The following RNF216 variants were observed in gnomAD, a reference collection of about 807,000 sequenced individuals.
RNF216 encodes E3 ubiquitin-protein ligase RNF216.
RNF216 carries 72 observed loss-of-function variants against 110.8 expected under a neutral mutation model. The observed-to-expected ratio is 0.65, with a 90% CI of 0.54 to 0.79. RNF216 has a LOEUF of 0.79. RNF216 is among the 30% of genes least tolerant of loss of function. The pLI, the probability that RNF216 is intolerant of heterozygous loss-of-function variation, is 0.00. For missense variants in RNF216, 1,342 were observed against 1,141.2 expected (o/e 1.18, Z -2.54); for synonymous variants, 495 against 407.5 (o/e 1.21, Z -2.59).
chr7:5,621,570 G>A lies in RNF216; in HGVS notation c.*1290C>T, dbSNP rs956724128. On this transcript the variant is annotated 3_prime_UTR_variant, in exon 17 of 17. Coordinates refer to ENST00000389902, the MANE Select transcript of RNF216 (RefSeq NM_207111.4). Reference sequence around the variant, plus strand: ...TGGGCCAGGCCCTGCTTCAGGAGGTGGCGGGCCACTCCGGAGACTGATGCA... The same window carrying A: ...TGGGCCAGGCCCTGCTTCAGGAGGTAGCGGGCCACTCCGGAGACTGATGCA... The A allele has an allele frequency of 1.3e-5, 2 of 152,310 alleles. No individual in the cohort carries two copies. Among genetic ancestry groups the A allele is most frequent in the African/African-American group, 4.8e-5 (2 of 41,462 alleles). The allele number at this position is 152,310 out of a possible 1,614,324, so 9.4% of individuals were successfully genotyped here.
Position 5,622,555 on chromosome 7 carries a change from C to G in RNF216, c.*305G>C. ...AGGCCCAGGTGTGAGCAGCAGGGAC[C>G]TGGTCTATGGCCTATGCCATGGACA... On this transcript the variant is annotated 3_prime_UTR_variant, in exon 17 of 17. Coordinates refer to ENST00000389902, the MANE Select transcript of RNF216 (RefSeq NM_207111.4). 2.9e-6 allele frequency: 1 copy of G among 341,020 alleles called. No individual in the cohort carries two copies. The highest frequency in any genetic ancestry group is 5.0e-5 in the East Asian group (1 of 19,944). The allele number at this position is 341,020 out of a possible 1,614,324, so 21.1% of individuals were successfully genotyped here.
At chr7:5,766,635 G>A (rs1367599488) in intron 1 of RNF216, among the ~76,000 whole-genome samples, 1 of 152,180 alleles carries the variant, frequency 6.6e-6, no homozygotes, top group African/African-American at 2.4e-5. Context: ...CCAAATTCCA[G>A]AACTGTGAGA....
intron 15 of RNF216, among the ~76,000 whole-genome samples, chr7:5,629,526 C>T (rs1280281502): frequency 2.0e-5 from 3 of 151,890 alleles, no homozygotes; most frequent in African/African-American, 7.3e-5. Context: ...TTATGCTTCA[C>T]CACAATTAAA....
chr7:5,729,512 C>T lies in RNF216; in HGVS notation c.1309G>A (p.Ala437Thr). Reference sequence around the variant, plus strand: ...TGACTACTGAGCACTTTGAAGTCGGCCATGAGGAGGTCAGCAGCTTGGATG... The same window carrying T: ...TGACTACTGAGCACTTTGAAGTCGGTCATGAGGAGGTCAGCAGCTTGGATG... ...CFIQAADLLM[A>T]DFKVLSSQDI... Residue 437 changes from alanine (A) to threonine (T), a missense_variant, in exon 7 of 17, where the codon GCC becomes ACC. Physicochemically the swap from Ala to Thr is moderately conservative, Grantham distance 58. Coordinates refer to ENST00000389902, the MANE Select transcript of RNF216 (RefSeq NM_207111.4). The T allele has an allele frequency of 6.2e-7, 1 of 1,614,058 alleles. No individual in the cohort carries two copies.
intron 1 of RNF216, chr7:5,774,868 C>T (rs1182405380): frequency 2.0e-5 from 3 of 152,004 alleles, no homozygotes; most frequent in Non-Finnish European, 2.9e-5. Flanking sequence ...AGTGATTCTC[C>T]TGTCTCAGCC....
At chr7:5,738,279 T>C (rs935820774) in intron 5 of RNF216, among the ~76,000 whole-genome samples, 4 of 152,018 alleles carry the variant, frequency 2.6e-5, no homozygotes, top group Non-Finnish European at 5.9e-5. Flanking sequence ...CAGGCTGGAG[T>C]GCAGTAGCGT....
rs757318093 is a variant in RNF216, at chr7:5,625,718, C to T, written c.2383-1593G>A. 4.6e-5 allele frequency among the ~76,000 whole-genome samples: 7 copies of T among 152,240 alleles called. 1 individual carries two copies. Reference sequence around the variant, plus strand: ...CACTGTTCTAAGTTTGCTGATTAAACTTCAGATCAACAATGAAACAGAAAG... The same window carrying T: ...CACTGTTCTAAGTTTGCTGATTAAATTTCAGATCAACAATGAAACAGAAAG... On this transcript the variant is annotated intron_variant, in intron 15 of 16. Coordinates refer to ENST00000389902, the MANE Select transcript of RNF216 (RefSeq NM_207111.4).
At chr7:5,631,864 T>A (rs1417860954) in intron 15 of RNF216, among the ~76,000 whole-genome samples, 1 of 152,224 alleles carries the variant, frequency 6.6e-6, no homozygotes, top group Non-Finnish European at 1.5e-5. Context: ...GATTCCATTG[T>A]AGAAGGTCAC....
In RNF216 at chr7:5,680,186, AC is replaced by A. The variant is rs1790558794; in HGVS notation, c.2062-27677del. On this transcript the variant is annotated intron_variant, in intron 13 of 16. Coordinates refer to ENST00000389902, the MANE Select transcript of RNF216 (RefSeq NM_207111.4). The surrounding 1 kb of genome is among the most constrained non-coding windows in gnomAD (Gnocchi z 4.3). ...TCCTCAGAGCTCGCCCTGGAAACACACGCTCCCCTCTACTTTAACACTCTGT... is the reference window on the plus strand; with the variant it reads ...TCCTCAGAGCTCGCCCTGGAAACACAGCTCCCCTCTACTTTAACACTCTGT... 6.6e-6 allele frequency among the ~76,000 whole-genome samples: 1 copy of A among 152,042 alleles called. No homozygotes were observed.
chr7:5,721,413 C>A (rs1349639124), intron 8 of RNF216, among the ~76,000 whole-genome samples: 1 of 152,220 alleles, frequency 6.6e-6, no homozygotes, highest in African/African-American at 2.4e-5. Flanking sequence ...AAGGCATCTC[C>A]TATCCTGTCA....
intron 3 of RNF216, among the ~76,000 whole-genome samples, chr7:5,745,505 T>C (rs1015302040): frequency 6.6e-6 from 1 of 152,068 alleles, no homozygotes; most frequent in Non-Finnish European, 1.5e-5. Flanking sequence ...AGCATAAAAA[T>C]TGGAAAGACA....
chr7:5,641,029 G>C, intron 15 of RNF216, 125 bp downstream of exon 15: 1 of 742,622 alleles, frequency 1.3e-6, no homozygotes, highest in Non-Finnish European at 2.2e-6. Flanking sequence ...TTGGTTATCA[G>C]TCTATGTAAT....
intron 1 of RNF216, among the ~76,000 whole-genome samples, chr7:5,763,210 C>T (rs1326738854): frequency 6.6e-6 from 1 of 152,120 alleles, no homozygotes; most frequent in East Asian, 1.9e-4. Context: ...ATGAGGGAAC[C>T]TTTCCGGGTT....
At chr7:5,671,880 C>G (rs1789942093) in intron 13 of RNF216, among the ~76,000 whole-genome samples, 1 of 149,372 alleles carries the variant, frequency 6.7e-6, no homozygotes, top group African/African-American at 2.5e-5. Flanking sequence ...TGTGAGGACA[C>G]AGCACGAAGA....
chr7:5,778,847 G>A (rs1196774192), intron 1 of RNF216, among the ~76,000 whole-genome samples: 1 of 152,216 alleles, frequency 6.6e-6, no homozygotes, highest in Non-Finnish European at 1.5e-5. Flanking sequence ...GAGTTCATGT[G>A]ATTCTCCTGC....
chr7:5,694,329 G>T (rs1034338388), intron 13 of RNF216, among the ~76,000 whole-genome samples: 1 of 152,202 alleles, frequency 6.6e-6, no homozygotes, highest in African/African-American at 2.4e-5. Context: ...GCTACTCAAT[G>T]ATATTCTCTT....
chr7:5,642,523 T>C (rs1359621341), intron 14 of RNF216, among the ~76,000 whole-genome samples: 1 of 150,018 alleles, frequency 6.7e-6, no homozygotes, highest in Non-Finnish European at 1.5e-5. Context: ...CCTATTTTTT[T>C]TGAGACTCAC....
At chr7:5,663,771 G>A (rs1044765220) in intron 13 of RNF216, among the ~76,000 whole-genome samples, 3 of 151,862 alleles carry the variant, frequency 2.0e-5, no homozygotes, top group South Asian at 2.1e-4. Context: ...GGTGGCGCAC[G>A]CCTGTAGTCC....
chr7:5,739,648 C>G, intron 4 of RNF216: 1 of 505,018 alleles, frequency 2.0e-6, no homozygotes, highest in South Asian at 1.5e-5. Context: ...AATCCAAACA[C>G]AAATAAGTTA....
Sources: gnomAD v4.1 joint callset for allele counts (sites outside exome capture counted in the v4.1 genomes callset) on GRCh38, gnomAD v4.1.1 for gene constraint, Gnocchi (gnomAD v3.1) non-coding constraint, MANE v1.5 for transcripts, NCBI Gene and HGNC (gene_info 2026-07-23, HGNC 2026-07-21) for gene names.